BRF1: variants seen among roughly 807,000 people sequenced by gnomAD.
The protein encoded by BRF1 is transcription factor IIIB 90 kDa subunit.
BRF1 carries 59 observed loss-of-function variants against 81.7 expected under a neutral mutation model. That is an observed-to-expected ratio of 0.72 (90% CI 0.59 to 0.90). The LOEUF is 0.90. Ranked by LOEUF, BRF1 falls within the 40% of genes least tolerant of loss-of-function variation. BRF1 has a pLI of 0.00. For missense variants in BRF1, 1,050 were observed against 936.3 expected (o/e 1.12, Z -1.58); for synonymous variants, 491 against 395.6 (o/e 1.24, Z -2.86).
chr14:105,272,124 G>A (rs1392069282), intron 3 of BRF1, among the ~76,000 whole-genome samples: 5 of 93,166 alleles, frequency 5.4e-5, no homozygotes, highest in African/African-American at 2.0e-4. Context: ...TGAGGGTCGG[G>A]GGCCTCCTCG....
intron 4 of BRF1, among the ~76,000 whole-genome samples, chr14:105,253,077 C>G (rs1398573793): frequency 6.6e-6 from 1 of 152,214 alleles, no homozygotes; most frequent in East Asian, 1.9e-4. Flanking sequence ...CCACACAGAT[C>G]CTGTCACCCC....
intron 3 of BRF1, among the ~76,000 whole-genome samples, chr14:105,262,215 C>A (rs989175852): frequency 1.3e-5 from 2 of 152,182 alleles, no homozygotes; most frequent in African/African-American, 4.8e-5. Flanking sequence ...GCTCGGATGC[C>A]CTCAGCACCC....
At position 105,219,157 on chromosome 14, in the gene BRF1, G is replaced by A; in HGVS notation, c.1453C>T (p.Gln485Ter). The change falls in exon 13 of 18, where the codon CAG (glutamine) becomes TAG (stop). Residue 485 changes from glutamine to a stop codon, truncating the protein, a stop_gained. Coordinates refer to ENST00000547530, the MANE Select transcript of BRF1 (RefSeq NM_001519.4). LOFTEE classifies it high-confidence loss of function. ...MRENAEYLRE[Q>*]REKEARIAKE... ...GTGGGCGGGTGGCGCTTACCCCTCT[G>A]TTCCCGCAGGTACTCGGCGTTCTCC... is the stretch of plus-strand genomic sequence containing the variant. 19 of 1,612,398 alleles carry A rather than the reference G, an allele frequency of 1.2e-5. No homozygotes were observed. Among genetic ancestry groups the A allele is most frequent in the Non-Finnish European group, 1.6e-5 (19 of 1,178,698 alleles).
upstream of BRF1, among the ~76,000 whole-genome samples, chr14:105,302,272 CG>C (rs965413586): frequency 7.0e-6 from 1 of 143,070 alleles, no homozygotes; most frequent in African/African-American, 2.6e-5. Flanking sequence ...GGTGAGATAT[CG>C]GCTCACTGCA....
Position 105,258,752 on chromosome 14 carries a change from T to C in BRF1, c.440-2203A>G, listed in dbSNP as rs754266770. ...AAGCAGAAGTTGCAGTAAGCAAATA[T>C]CGCACCACTGCACTCCAGCCTGGGC... On this transcript the variant is annotated intron_variant, in intron 3 of 17. Coordinates refer to ENST00000547530, the MANE Select transcript of BRF1 (RefSeq NM_001519.4). Among the ~76,000 whole-genome samples, 88 of 151,692 alleles carry C rather than the reference T, an allele frequency of 5.8e-4. 2 individuals are homozygous for C. The highest frequency in any genetic ancestry group is 1.0e-4 in the Non-Finnish European group (7 of 67,986).
chr14:105,283,003 G>A (rs1217934973), intron 2 of BRF1, among the ~76,000 whole-genome samples: 1 of 152,194 alleles, frequency 6.6e-6, no homozygotes, highest in East Asian at 1.9e-4. Flanking sequence ...AGAGCCCAAA[G>A]CATCAGAAAT....
rs587626596 is a variant in BRF1, at chr14:105,257,018, G to A, written c.440-469C>T. 4.6e-5 allele frequency among the ~76,000 whole-genome samples: 7 copies of A among 152,236 alleles called. No individual in the cohort carries two copies. In the South Asian group the frequency reaches 8.3e-4, roughly 18 times the overall value. On this transcript the variant is annotated intron_variant, in intron 3 of 17. Coordinates refer to ENST00000547530, the MANE Select transcript of BRF1 (RefSeq NM_001519.4). ...CAGGCGTCAGGCAGGCAGTCCTCCC[G>A]AGAGACAGAAAACTAGACCTGGGGC...
intron 1 of BRF1, among the ~76,000 whole-genome samples, chr14:105,290,303 C>T (rs774698860): frequency 1.3e-5 from 2 of 152,122 alleles, no homozygotes; most frequent in Non-Finnish European, 2.9e-5. Context: ...CCTGTAATCC[C>T]AGCTACTCAG....
chr14:105,229,722 C>G (rs1398842456), intron 6 of BRF1, among the ~76,000 whole-genome samples: 1 of 79,420 alleles, frequency 1.3e-5, no homozygotes, highest in Admixed American at 1.4e-4. Context: ...ACACCACTGT[C>G]CGCGTAGTCG....
At chr14:105,264,501 A>G (rs1229048058) in intron 3 of BRF1, among the ~76,000 whole-genome samples, 1 of 151,826 alleles carries the variant, frequency 6.6e-6, no homozygotes, top group Admixed American at 6.6e-5. Context: ...CGTCTCTACT[A>G]AAAATACAAA....
Position 105,226,092 on chromosome 14 carries a change from C to A in BRF1, c.1025G>T (p.Gly342Val), listed in dbSNP as rs767342305. 2 of 1,613,834 alleles carry A rather than the reference C, an allele frequency of 1.2e-6. No homozygotes were observed. Among genetic ancestry groups the A allele is most frequent in the Admixed American group, 1.7e-5 (1 of 60,028 alleles). ...LENSRPKAKGGLASLAKDGST... is the reference protein window; with the variant it reads ...LENSRPKAKGVLASLAKDGST... ...ACCATCTTTTGCCAGGCTGGCCAGGCCCCCCTTGGCCTTTGGCCGGCTGTT... is the reference window on the plus strand; with the variant it reads ...ACCATCTTTTGCCAGGCTGGCCAGGACCCCCTTGGCCTTTGGCCGGCTGTT... The change falls in exon 10 of 18, where the codon GGC becomes GTC. Residue 342 changes from glycine (G) to valine (V), a missense_variant. By Grantham distance (109) the Gly-to-Val change is moderately radical (BLOSUM62 -3). Around this residue, in one of 2 missense-constraint regions of BRF1, gnomAD observed 1,043 missense variants for 915.4 expected, o/e 1.14. Coordinates refer to ENST00000547530, the MANE Select transcript of BRF1 (RefSeq NM_001519.4).
rs1251339436 is a variant in BRF1, at chr14:105,300,650, C to G, written c.-21G>C. ...GTCATGCCGGCGACCGCGCGGGCAG[C>G]GCCCGGAGCCTCCCAAGACTCTCAA... On this transcript the variant is annotated 5_prime_UTR_variant, in exon 1 of 18. Transcript: ENST00000547530. 2 of 1,345,036 alleles carry G rather than the reference C, an allele frequency of 1.5e-6. No individual in the cohort carries two copies. The highest frequency in any genetic ancestry group is 8.2e-5 in the Admixed American group (2 of 24,410). The allele number at this position is 1,345,036 out of a possible 1,614,324, so 83.3% of individuals were successfully genotyped here.
chr14:105,250,051 CCTCTAT>C, intron 5 of BRF1: 1 of 1,612,990 alleles, frequency 6.2e-7, no homozygotes, highest in Non-Finnish European at 8.5e-7. Flanking sequence ...TGGGGCGAGC[CCTCTAT>C]CTGGTCCGAA....
chr14:105,290,475 C>T (rs192638149), intron 1 of BRF1, among the ~76,000 whole-genome samples: 9 of 152,254 alleles, frequency 5.9e-5, no homozygotes, highest in East Asian at 3.9e-4. Flanking sequence ...CAGGGGACGC[C>T]GTACAGCCTC....
chr14:105,241,665 C>T, intron 5 of BRF1: 1 of 558,310 alleles, frequency 1.8e-6, no homozygotes, highest in Non-Finnish European at 3.2e-6. Flanking sequence ...AGGCAGCGTG[C>T]TCCTACTGCA....
Position 105,219,175 on chromosome 14 carries a change from C to T in BRF1, c.1435G>A (p.Ala479Thr), listed in dbSNP as rs1444719760. 8.1e-6 allele frequency: 13 copies of T among 1,612,396 alleles called. No homozygotes were observed. Among genetic ancestry groups the T allele is most frequent in the Admixed American group, 1.7e-5 (1 of 59,996 alleles). Residue 479 changes from alanine (A) to threonine (T), a missense_variant, in exon 13 of 18, where the codon GCC becomes ACC. This residue lies in a region of BRF1 where 1,043 missense variants were observed against 915.4 expected (regional missense o/e 1.14). Transcript: ENST00000547530. The part of the protein sequence containing the change: ...VKAELWMREN[A>T]EYLREQREKE... ...CCCCTCTGTTCCCGCAGGTACTCGGCGTTCTCCCTCATCCACAGCTCGGCC... is the reference window on the plus strand; with the variant it reads ...CCCCTCTGTTCCCGCAGGTACTCGGTGTTCTCCCTCATCCACAGCTCGGCC...
rs890885183 is a variant in BRF1 at position 105,247,810 on chromosome 14, G to A, written c.544+4697C>T. 5.1e-6 allele frequency: 5 copies of A among 985,486 alleles called. No homozygotes were observed. The African/African-American group carries it at 8.7e-5, about 17-fold the overall frequency. 61.0% of individuals were successfully genotyped at this position (985,486 alleles called of 1,614,324 possible). On this transcript the variant is annotated intron_variant, in intron 5 of 17. Coordinates refer to ENST00000547530, the MANE Select transcript of BRF1 (RefSeq NM_001519.4). ...CTGCACGCGAGCTTGGCATGCACCA[G>A]CTGTGCGGCCCAGGCCAGGTGACAC... is the stretch of plus-strand genomic sequence containing the variant.
In BRF1 at chr14:105,244,505, G is replaced by A. The variant is rs587741432; in HGVS notation, c.545-3091C>T. Among the ~76,000 whole-genome samples the A allele has an allele frequency of 1.4e-5, 2 of 144,084 alleles. 1 individual carries two copies. Among genetic ancestry groups the A allele is most frequent in the Non-Finnish European group, 3.2e-5 (2 of 63,162 alleles). The allele number at this position is 144,084 out of a possible 152,430, so 94.5% of individuals were successfully genotyped here. A position where few individuals can be genotyped will look rare whatever the true frequency, so the allele number is the denominator to read the frequency against. On this transcript the variant is annotated intron_variant, in intron 5 of 17. Transcript: ENST00000547530. The stretch of plus-strand genomic sequence containing the variant: ...CAAGACAAATCTGTCAGTGACTAGG[G>A]TGGAGGAGGAAGTGGTGGGCAGCGG...
At chr14:105,265,043 TC>T (rs2056338824) in intron 3 of BRF1, among the ~76,000 whole-genome samples, 2 of 149,078 alleles carry the variant, frequency 1.3e-5, no homozygotes, top group African/African-American at 5.0e-5. Context: ...GTTCTACTTA[TC>T]CTTTTTTTTG....
Sources: gnomAD v4.1 joint callset for allele counts (sites outside exome capture counted in the v4.1 genomes callset) on GRCh38, gnomAD v4.1.1 for gene constraint, gnomAD v4.1.1 regional missense constraint, MANE v1.5 for transcripts, NCBI Gene and HGNC (gene_info 2026-07-23, HGNC 2026-07-21) for gene names.